The following CATSPERB variants were observed in gnomAD, a reference collection of about 807,000 sequenced individuals.
CATSPERB encodes the protein cation channel sperm-associated auxiliary subunit beta.
CATSPERB carries 93 observed loss-of-function variants against 128.3 expected under a neutral mutation model. The ratio of observed to expected loss-of-function variants is 0.72; its 90% confidence interval spans 0.61 to 0.86. The LOEUF is 0.86. Among genes scored for constraint, CATSPERB ranks in the 40% least tolerant of loss-of-function variants. The pLI is 0.00. For synonymous variants in CATSPERB, 381 were observed against 448.8 expected (o/e 0.85, Z 1.91); for missense variants, 1,153 against 1,329.5 (o/e 0.87, Z 2.06).
At chr14:91,701,870 C>T (rs1251767296) in intron 7 of CATSPERB, among the ~76,000 whole-genome samples, 1 of 150,980 alleles carries the variant, frequency 6.6e-6, no homozygotes, top group Non-Finnish European at 1.5e-5. Flanking sequence ...ATGATTGTGC[C>T]TCTGCATTCC....
chr14:91,587,593 C>T lies in CATSPERB; in HGVS notation c.3058-317G>A, dbSNP rs1235971760. Among the ~76,000 whole-genome samples, 8 of 149,378 alleles carry T rather than the reference C, an allele frequency of 5.4e-5. No individual in the cohort carries two copies. The Admixed American group carries it at 5.4e-4, about 10-fold the overall frequency. On this transcript the variant is annotated intron_variant, in intron 25 of 26. Coordinates refer to ENST00000256343, the MANE Select transcript of CATSPERB (RefSeq NM_024764.4). The stretch of plus-strand genomic sequence containing the variant: ...CGTATTTGTGGCTTCAAGATGTTCC[C>T]TAATTCTGATTGGTTTTCACAATTA...
intron 22 of CATSPERB, chr14:91,605,064 T>C: frequency 1.6e-6 from 2 of 1,215,688 alleles, no homozygotes; most frequent in Admixed American, 1.7e-5. Flanking sequence ...TCTTCCTTTT[T>C]TCTGGCACTC....
At chr14:91,620,495 C>G (rs1459015184) in intron 19 of CATSPERB, among the ~76,000 whole-genome samples, 1 of 152,138 alleles carries the variant, frequency 6.6e-6, no homozygotes, top group Non-Finnish European at 1.5e-5. Flanking sequence ...CCTACTCCCT[C>G]CCTTCCATCT....
At chr14:91,610,013 G>A (rs967920126) in intron 21 of CATSPERB, among the ~76,000 whole-genome samples, 2 of 152,088 alleles carry the variant, frequency 1.3e-5, no homozygotes, top group African/African-American at 2.4e-5. Context: ...GAGCCACCAC[G>A]CCTGGCTGAT....
chr14:91,714,286 A>G (rs1210060081), intron 5 of CATSPERB, among the ~76,000 whole-genome samples: 2 of 140,840 alleles, frequency 1.4e-5, no homozygotes, highest in Non-Finnish European at 3.2e-5. Flanking sequence ...GCAAAAAAAA[A>G]AAAAAAGAAA....
At chr14:91,647,061 A>G (rs1291514058) in intron 15 of CATSPERB, among the ~76,000 whole-genome samples, 1 of 152,212 alleles carries the variant, frequency 6.6e-6, no homozygotes, top group African/African-American at 2.4e-5. Context: ...TCTACTAAAA[A>G]TACAAAAATT....
At position 91,610,629 on chromosome 14, in the gene CATSPERB, A is replaced by G. The variant is rs774605343; in HGVS notation, c.2449T>C (p.Phe817Leu). The G allele has an allele frequency of 6.2e-7, 1 of 1,614,210 alleles. No individual in the cohort carries two copies. Residue 817 changes from phenylalanine (F) to leucine (L), a missense_variant, in exon 21 of 27, where the codon TTT becomes CTT. By Grantham distance (22) the Phe-to-Leu change is conservative. Coordinates refer to ENST00000256343, the MANE Select transcript of CATSPERB (RefSeq NM_024764.4). ...FIMWSASTECFVTTMVPTLKS... is the reference protein window; with the variant it reads ...FIMWSASTECLVTTMVPTLKS... ...AGTGTTGGCACCATTGTCGTAACAAAGCACTCAGTAGAGGCTGACCACATA... is the reference window on the plus strand; with the variant it reads ...AGTGTTGGCACCATTGTCGTAACAAGGCACTCAGTAGAGGCTGACCACATA...
intron 22 of CATSPERB, among the ~76,000 whole-genome samples, chr14:91,607,182 G>A (rs144221937): frequency 7.5e-4 from 114 of 151,782 alleles, no homozygotes; most frequent in African/African-American, 2.7e-3. Flanking sequence ...ATATAGTAGA[G>A]AAGAAATAGA....
intron 11 of CATSPERB, among the ~76,000 whole-genome samples, chr14:91,680,811 C>T (rs950045125): frequency 6.6e-6 from 1 of 152,180 alleles, no homozygotes; most frequent in Non-Finnish European, 1.5e-5. Flanking sequence ...ACCAACTGAA[C>T]AAACCCTCCC....
intron 5 of CATSPERB, among the ~76,000 whole-genome samples, chr14:91,711,412 G>T (rs1465212098): frequency 6.6e-6 from 1 of 152,070 alleles, no homozygotes; most frequent in Non-Finnish European, 1.5e-5. Context: ...TGTATTTTTA[G>T]TAGAGACAGG....
chr14:91,582,283 G>A (rs1747184550), intron 26 of CATSPERB, among the ~76,000 whole-genome samples: 1 of 152,222 alleles, frequency 6.6e-6, no homozygotes, highest in African/African-American at 2.4e-5. Flanking sequence ...GTTGACAGGA[G>A]TGTTCTAAAG....
At chr14:91,638,649 T>C (rs1440723499) in intron 16 of CATSPERB, among the ~76,000 whole-genome samples, 3 of 152,132 alleles carry the variant, frequency 2.0e-5, no homozygotes, top group South Asian at 4.1e-4. Context: ...CTCCAACTCC[T>C]GGGCTGAAGC....
At chr14:91,596,924 T>C (rs1330823065) in intron 22 of CATSPERB, among the ~76,000 whole-genome samples, 2 of 151,802 alleles carry the variant, frequency 1.3e-5, no homozygotes, top group African/African-American at 4.8e-5. Flanking sequence ...TCTCGCACTG[T>C]CACCCAGGCT....
chr14:91,585,625 G>T (rs370127797), intron 26 of CATSPERB, among the ~76,000 whole-genome samples: 2 of 152,136 alleles, frequency 1.3e-5, no homozygotes, highest in African/African-American at 4.8e-5. Context: ...TACCTGTACT[G>T]CATGGAGCAT....
chr14:91,621,555 C>T, intron 19 of CATSPERB, 53 bp downstream of exon 19: 1 of 1,367,656 alleles, frequency 7.3e-7, no homozygotes, highest in East Asian at 2.3e-5. Context: ...ATTTCACATT[C>T]AAGAAAAGAA....
Position 91,716,449 on chromosome 14 carries a change from G to A in CATSPERB, c.370+2969C>T, listed in dbSNP as rs1895941259. ...AAAAATTAGCCGGGCCTGGTGGTGC[G>A]TATCTGTAATCCTGGCTATTCAGGA... On this transcript the variant is annotated intron_variant, in intron 5 of 26. Coordinates refer to ENST00000256343, the MANE Select transcript of CATSPERB (RefSeq NM_024764.4). Among the ~76,000 whole-genome samples, 4 of 152,008 alleles carry A rather than the reference G, an allele frequency of 2.6e-5. No homozygotes were observed. In the South Asian group the frequency reaches 6.2e-4, roughly 24 times the overall value.
At chr14:91,593,173 G>A (rs1457187029) in intron 22 of CATSPERB, among the ~76,000 whole-genome samples, 1 of 152,222 alleles carries the variant, frequency 6.6e-6, no homozygotes, top group Admixed American at 6.5e-5. Context: ...CAGGGGTGGG[G>A]CCTTTATGGA....
rs148956957 is a variant in CATSPERB, at chr14:91,730,162, G to T, written c.1-683C>A. Among the ~76,000 whole-genome samples, 805 of 152,320 alleles carry T rather than the reference G, an allele frequency of 5.3e-3. 6 individuals are homozygous for T. In the Middle Eastern group the frequency reaches 0.054, roughly 10 times the overall value. ...CAGAAGGCAATCATGTTTGGAGATA[G>T]GATTTTTAAACAGGTGATGAAGTGA... is the stretch of plus-strand genomic sequence containing the variant. On this transcript the variant is annotated intron_variant, in intron 1 of 26. Coordinates refer to ENST00000256343, the MANE Select transcript of CATSPERB (RefSeq NM_024764.4).
At chr14:91,654,876 C>G (rs1704676) in intron 15 of CATSPERB, among the ~76,000 whole-genome samples, 28,967 of 152,040 alleles carry the variant, frequency 0.19, 2,961 homozygotes, top group African/African-American at 0.24. Context: ...TTGCATCACC[C>G]CTCCCCTAGC....
Sources: gnomAD v4.1 joint callset for allele counts (sites outside exome capture counted in the v4.1 genomes callset) on GRCh38, gnomAD v4.1.1 for gene constraint, MANE v1.5 for transcripts, NCBI Gene and HGNC (gene_info 2026-07-23, HGNC 2026-07-21) for gene names.